The following CELSR1 variants were observed in gnomAD, a reference collection of about 807,000 sequenced individuals.
The protein encoded by CELSR1 is adhesion G protein-coupled receptor C1.
CELSR1 carries 110 observed loss-of-function variants against 249.1 expected under a neutral mutation model. The observed-to-expected ratio is 0.44, with a 90% CI of 0.38 to 0.52. The LOEUF (loss-of-function observed/expected upper bound fraction) is 0.52. CELSR1 is among the 20% of genes least tolerant of loss of function. CELSR1 has a pLI of 0.00. For missense variants in CELSR1, 4,109 were observed against 4,296.4 expected (o/e 0.96, Z 1.22); for synonymous variants, 2,113 against 1,900.0 (o/e 1.11, Z -2.92).
chr22:46,374,469 G>C lies in CELSR1; in HGVS notation c.7585-1412C>G, dbSNP rs1436187021. 6.6e-6 allele frequency among the ~76,000 whole-genome samples: 1 copy of C among 152,114 alleles called. No homozygotes were observed. The highest frequency in any genetic ancestry group is 2.4e-5 in the African/African-American group (1 of 41,404). Reference sequence around the variant, plus strand: ...AGCGCTCTGAGAGATGAAAAACCTCGCCCAGAGATAGGATTGTGGGTTTAC... The same window carrying C: ...AGCGCTCTGAGAGATGAAAAACCTCCCCCAGAGATAGGATTGTGGGTTTAC... On this transcript the variant is annotated intron_variant, in intron 24 of 34. Transcript: ENST00000674500. This position sits in a 1 kb window ranked among gnomAD's most constrained non-coding sequence, Gnocchi z 4.3.
chr22:46,491,457 G>T (rs1309469090), intron 1 of CELSR1, among the ~76,000 whole-genome samples: 1 of 151,724 alleles, frequency 6.6e-6, no homozygotes, highest in Non-Finnish European at 1.5e-5. Context: ...TAGAGATGGG[G>T]TTTCACCATA....
At chr22:46,378,276 C>T (rs1028414914) in intron 23 of CELSR1, among the ~76,000 whole-genome samples, 1 of 152,102 alleles carries the variant, frequency 6.6e-6, no homozygotes, top group African/African-American at 2.4e-5. Context: ...TCCGAGAGCT[C>T]CTCGGAGCCT....
At chr22:46,522,280 C>A (rs1246419233) in intron 1 of CELSR1, among the ~76,000 whole-genome samples, 1 of 152,132 alleles carries the variant, frequency 6.6e-6, no homozygotes, top group Non-Finnish European at 1.5e-5. Flanking sequence ...TTCATGCTAC[C>A]ACACCCAGCT....
intron 1 of CELSR1, among the ~76,000 whole-genome samples, chr22:46,501,730 C>T (rs1202882666): frequency 6.6e-6 from 1 of 152,194 alleles, no homozygotes; most frequent in Non-Finnish European, 1.5e-5. Context: ...CTCCCTTCAA[C>T]ACTGACATCT....
rs2079297962 is a variant in CELSR1 at position 46,408,918 on chromosome 22, A to G, written c.5226+78T>C. 1.6e-6 allele frequency: 2 copies of G among 1,252,642 alleles called. No homozygotes were observed. The highest frequency in any genetic ancestry group is 5.6e-5 in the Admixed American group (2 of 35,884). 77.6% of individuals were successfully genotyped at this position (1,252,642 alleles called of 1,614,324 possible). On this transcript the variant is annotated intron_variant, in intron 9 of 34. Coordinates refer to ENST00000674500, the MANE Select transcript of CELSR1 (RefSeq NM_001378328.1). This position sits in a 1 kb window ranked among gnomAD's most constrained non-coding sequence, Gnocchi z 4.6. The stretch of plus-strand genomic sequence containing the variant: ...GCGAGTAGCAGGTGCCCGAGTGTGC[A>G]CCAGGAAGCCCAGCGCCTGGGTCCC...
chr22:46,512,079 C>T lies in CELSR1; in HGVS notation c.3544+21548G>A, dbSNP rs1254506901. Among the ~76,000 whole-genome samples the T allele has an allele frequency of 6.6e-6, 1 of 152,164 alleles. No homozygotes were observed. The highest frequency in any genetic ancestry group is 2.4e-5 in the African/African-American group (1 of 41,434). ...TCCTGAAGTGCCCCGAGCCCACCCC[C>T]AGATCCCAGCCCAGTGGCCCCCACG... On this transcript the variant is annotated intron_variant, in intron 1 of 34. Transcript: ENST00000674500. The surrounding 1 kb of genome is among the most constrained non-coding windows in gnomAD (Gnocchi z 5.2).
Position 46,536,844 on chromosome 22 carries a change from C to G in CELSR1, c.327G>C (p.Thr109=). ...CACGGGCTCCGCAGCCGGGAAGGTG[C>G]GTGCGCGCCCGCAGGCGGCGGCTCA... ...TALSRRLRAR[T]HLPGCGARAR... Residue 109 remains threonine, a synonymous_variant, in exon 1 of 35, where the codon ACG becomes ACC. Transcript: ENST00000674500. The G allele has an allele frequency of 8.1e-7, 1 of 1,229,526 alleles. No individual in the cohort carries two copies. Among genetic ancestry groups the G allele is most frequent in the East Asian group, 3.9e-5 (1 of 25,740 alleles). 76.2% of individuals were successfully genotyped at this position (1,229,526 alleles called of 1,614,324 possible).
chr22:46,532,679 G>A (rs2080803821), intron 1 of CELSR1, among the ~76,000 whole-genome samples: 1 of 152,122 alleles, frequency 6.6e-6, no homozygotes, highest in African/African-American at 2.4e-5. Context: ...TATAAATAAG[G>A]TCACCTGCCT....
chr22:46,507,766 G>C (rs963655322), intron 1 of CELSR1, among the ~76,000 whole-genome samples: 1 of 152,196 alleles, frequency 6.6e-6, no homozygotes, highest in Non-Finnish European at 1.5e-5. Flanking sequence ...CAGTGGGGCA[G>C]GGGCCCCACT....
chr22:46,519,845 T>C (rs2080666758), intron 1 of CELSR1, among the ~76,000 whole-genome samples: 1 of 151,948 alleles, frequency 6.6e-6, no homozygotes, highest in Non-Finnish European at 1.5e-5. Context: ...AGGCACAAGA[T>C]TTATAGTTCA....
Position 46,536,479 on chromosome 22 carries a change from C to T in CELSR1, c.692G>A (p.Arg231Gln), listed in dbSNP as rs769540671. ...GCCGCTCGTGCCCCGCCGGGCCCGT[C>T]GCGCCGGCCCCGCCCGGGCTTCGGG... Reference protein sequence around the residue: ...NLPEARAGPARRARRGTSGRG... With the variant: ...NLPEARAGPAQRARRGTSGRG... Residue 231 changes from arginine to glutamine, a missense_variant, in exon 1 of 35, where the codon CGA (arginine) becomes CAA (glutamine). Arg to Gln is a conservative substitution (Grantham distance 43). This residue lies in a region of CELSR1 where 673 missense variants were observed against 636.8 expected (regional missense o/e 1.06). Transcript: ENST00000674500. 1.9e-5 allele frequency: 30 copies of T among 1,600,140 alleles called. 1 individual carries two copies. In the South Asian group the frequency reaches 3.0e-4, roughly 16 times the overall value.
intron 5 of CELSR1, among the ~76,000 whole-genome samples, chr22:46,416,683 G>T (rs2079405959): frequency 6.6e-6 from 1 of 152,178 alleles, no homozygotes; most frequent in Non-Finnish European, 1.5e-5. Context: ...GAGTGGCCCA[G>T]AAGCGCTAAG....
rs183628173 is a variant in CELSR1 at position 46,462,209 on chromosome 22, C to T, written c.4183+1498G>A. Among the ~76,000 whole-genome samples the T allele has an allele frequency of 3.3e-5, 5 of 152,348 alleles. No individual in the cohort carries two copies. The East Asian group carries it at 5.8e-4, about 18-fold the overall frequency. On this transcript the variant is annotated intron_variant, in intron 2 of 34. Transcript: ENST00000674500. ...CGGGGGGAAGAGCCCCAGACCCAGA[C>T]GGCACCAACAGACAGCCACAGACTA...
chr22:46,533,961 A>G lies in CELSR1; in HGVS notation c.3210T>C (p.Tyr1070=). The change falls in exon 1 of 35, where the codon TAT becomes TAC. Residue 1070 remains tyrosine, a synonymous_variant. Coordinates refer to ENST00000674500, the MANE Select transcript of CELSR1 (RefSeq NM_001378328.1). The stretch of plus-strand genomic sequence containing the variant: ...CCGACGTGGCCTGCACCACCAGCAC[A>G]TACTCCCGCCGGACCTCAAAGTCCA... ...VELDFEVRRE[Y]VLVVQATSAP... 6.2e-7 allele frequency: 1 copy of G among 1,613,396 alleles called. No homozygotes were observed.
chr22:46,533,448 C>T (rs1033556976), intron 1 of CELSR1, among the ~76,000 whole-genome samples, 179 bp downstream of exon 1: 5 of 152,260 alleles, frequency 3.3e-5, no homozygotes, highest in African/African-American at 1.2e-4. Flanking sequence ...CTCTCCCCCT[C>T]GCTGGGCCTA....
Position 46,374,495 on chromosome 22 carries a change from A to C in CELSR1, c.7585-1438T>G, listed in dbSNP as rs76682722. Among the ~76,000 whole-genome samples, 2,551 of 152,304 alleles carry C rather than the reference A, an allele frequency of 0.017. 53 individuals are homozygous for C. The highest frequency in any genetic ancestry group is 0.057 in the African/African-American group (2,382 of 41,556). On this transcript the variant is annotated intron_variant, in intron 24 of 34. Transcript: ENST00000674500. The surrounding 1 kb of genome is among the most constrained non-coding windows in gnomAD (Gnocchi z 4.3). The stretch of plus-strand genomic sequence containing the variant: ...CCCAGAGATAGGATTGTGGGTTTAC[A>C]AAAAAACCATAAAGCCCAGGCACTC...
Position 46,402,474 on chromosome 22 carries a change from C to T in CELSR1, c.5227-2572G>A, listed in dbSNP as rs770999541. On this transcript the variant is annotated intron_variant, in intron 9 of 34. Coordinates refer to ENST00000674500, the MANE Select transcript of CELSR1 (RefSeq NM_001378328.1). The surrounding 1 kb of genome is among the most constrained non-coding windows in gnomAD (Gnocchi z 5.0). ...TCAGGTGATCTGCCTGTCTTGGCCT[C>T]CCAAAGTGCTGGGATTACAGGCATG... is the stretch of plus-strand genomic sequence containing the variant. Among the ~76,000 whole-genome samples the T allele has an allele frequency of 1.4e-4, 22 of 152,180 alleles. No homozygotes were observed. The highest frequency in any genetic ancestry group is 1.9e-4 in the Non-Finnish European group (13 of 68,038).
At chr22:46,496,096 A>G (rs892404304) in intron 1 of CELSR1, among the ~76,000 whole-genome samples, 1 of 151,674 alleles carries the variant, frequency 6.6e-6, no homozygotes, top group Non-Finnish European at 1.5e-5. Context: ...CGGGAGGCTG[A>G]GGCAGGAGAA....
At chr22:46,478,882 C>T (rs532481387) in intron 1 of CELSR1, among the ~76,000 whole-genome samples, 93 of 152,056 alleles carry the variant, frequency 6.1e-4, no homozygotes, top group African/African-American at 2.1e-3. Flanking sequence ...AACACAGCAA[C>T]GAGCCCAACC....
Sources: allele counts gnomAD v4.1 joint callset (sites outside exome capture counted in the v4.1 genomes callset), GRCh38; gene constraint gnomAD v4.1.1; regional missense constraint gnomAD v4.1.1; non-coding constraint Gnocchi (gnomAD v3.1); transcripts MANE v1.5; gene names NCBI Gene and HGNC (gene_info 2026-07-23, HGNC 2026-07-21).